Variants in CDH3 observed in about 807,000 individuals in gnomAD.
CDH3 encodes cadherin 3, also known as cadherin-3.
CDH3 carries 54 observed loss-of-function variants against 82.0 expected under a neutral mutation model. The ratio of observed to expected loss-of-function variants is 0.66; its 90% CI spans 0.53 to 0.83. The LOEUF (loss-of-function observed/expected upper bound fraction) is 0.83. Among genes scored for constraint, CDH3 ranks in the 40% least tolerant of loss-of-function variants. The pLI, the probability that CDH3 is intolerant of heterozygous loss-of-function variation, is 0.00. For synonymous variants in CDH3, 446 were observed against 437.9 expected (o/e 1.02, Z -0.23); for missense variants, 1,054 against 1,084.6 (o/e 0.97, Z 0.40).
intron 2 of CDH3, among the ~76,000 whole-genome samples, chr16:68,654,295 GT>G (rs1480061927): frequency 6.9e-6 from 1 of 145,742 alleles, no homozygotes; most frequent in Non-Finnish European, 1.5e-5. Context: ...TTCTGACCTT[GT>G]GATCTACCCG....
downstream of CDH3, among the ~76,000 whole-genome samples, chr16:68,730,997 A>G (rs1290074212): frequency 5.5e-4 from 62 of 112,932 alleles, no homozygotes; most frequent in Middle Eastern, 6.4e-3. Context: ...TCCAGCCTGG[A>G]CAACAAGAGG....
At chr16:68,697,782 TTAAAAC>T (rs1423145181) in intron 15 of CDH3, among the ~76,000 whole-genome samples, 1 of 152,148 alleles carries the variant, frequency 6.6e-6, no homozygotes, top group Non-Finnish European at 1.5e-5. Context: ...ATCTGTTCCT[TTAAAAC>T]TATACGGAGG....
At chr16:68,654,380 ATTTTTTTTTTTTTTTTTTTTT>A (rs1176713669) in intron 2 of CDH3, among the ~76,000 whole-genome samples, 7 of 48,494 alleles carry the variant, frequency 1.4e-4, no homozygotes, top group Non-Finnish European at 2.1e-4. Context: ...TTTTAAATTA[ATTTTTTTTTTTTTTTTTTTTT>A]TTTTTTTTTT....
chr16:68,658,086 G>A (rs1437504842), intron 2 of CDH3, among the ~76,000 whole-genome samples: 29 of 132,414 alleles, frequency 2.2e-4, no homozygotes, highest in Non-Finnish European at 3.8e-4. Context: ...TTTTTTTAGA[G>A]ACAGGGTCTC....
At chr16:68,723,576 G>T (rs1213804544) in intron 2 of CDH3, among the ~76,000 whole-genome samples, 1 of 152,110 alleles carries the variant, frequency 6.6e-6, no homozygotes, top group African/African-American at 2.4e-5. Context: ...AATAAATTTT[G>T]CTTCAAGTCA....
chr16:68,695,246 C>T lies in CDH3; in HGVS notation c.2003-9C>T. 1 of 1,614,122 alleles carries T rather than the reference C, an allele frequency of 6.2e-7. No homozygotes were observed. The highest frequency in any genetic ancestry group is 2.2e-5 in the East Asian group (1 of 44,878). On this transcript the variant is annotated splice_polypyrimidine_tract_variant and intron_variant, in intron 13 of 15. Coordinates refer to ENST00000264012, the MANE Select transcript of CDH3 (RefSeq NM_001793.6). ...CAGAGGGAGCACTCACACTCCCCAA[C>T]CCTTGCAGTCCTCCTGCTGGTGCTG...
intron 2 of CDH3, among the ~76,000 whole-genome samples, chr16:68,665,090 T>C (rs1189356820): frequency 1.3e-5 from 2 of 152,158 alleles, no homozygotes; most frequent in African/African-American, 4.8e-5. Flanking sequence ...CTGCCCCTGG[T>C]TTTTAATACT....
chr16:68,661,992 A>G (rs1037574556), intron 2 of CDH3, among the ~76,000 whole-genome samples: 2 of 152,326 alleles, frequency 1.3e-5, no homozygotes, highest in East Asian at 1.9e-4. Flanking sequence ...CGCCCAGCCA[A>G]TCACTACTAA....
At chr16:68,701,594 A>G (rs1338554404), downstream of CDH3, among the ~76,000 whole-genome samples, 1 of 148,896 alleles carries the variant, frequency 6.7e-6, no homozygotes, top group Non-Finnish European at 1.5e-5. Flanking sequence ...CCCCGGGGCT[A>G]GAGTGCAGTG....
At chr16:68,680,145 G>C (rs1961175963) in intron 7 of CDH3, among the ~76,000 whole-genome samples, 171 bp downstream of exon 7, 1 of 152,226 alleles carries the variant, frequency 6.6e-6, no homozygotes, top group East Asian at 1.9e-4. Context: ...CTGGTTCCTT[G>C]GGCCTGTGGC....
intron 10 of CDH3, 38 bp downstream of exon 10, chr16:68,684,862 G>T: frequency 6.2e-7 from 1 of 1,613,166 alleles, no homozygotes; most frequent in Non-Finnish European, 8.5e-7. Flanking sequence ...GCACGTACTG[G>T]TACAGTTGGT....
chr16:68,649,781 C>A (rs1361279000), intron 2 of CDH3, among the ~76,000 whole-genome samples: 4 of 152,142 alleles, frequency 2.6e-5, no homozygotes, highest in African/African-American at 9.7e-5. Flanking sequence ...CGGCTGTAAT[C>A]CCAGCACTTT....
At chr16:68,715,243 T>G (rs981501140) in intron 1 of CDH3, among the ~76,000 whole-genome samples, 5 of 151,200 alleles carry the variant, frequency 3.3e-5, no homozygotes, top group African/African-American at 1.2e-4. Context: ...CGTGCCAACA[T>G]AGCAAAACCC....
downstream of CDH3, among the ~76,000 whole-genome samples, chr16:68,701,303 C>G (rs1961889925): frequency 6.6e-6 from 1 of 152,032 alleles, no homozygotes; most frequent in African/African-American, 2.4e-5. Flanking sequence ...TTAAGTCACT[C>G]TCTCACTCTG....
At chr16:68,680,004 A>G in intron 7 of CDH3, 30 bp downstream of exon 7, 1 of 1,606,576 alleles carries the variant, frequency 6.2e-7, no homozygotes, top group African/African-American at 1.3e-5. Context: ...AGTACTGCCT[A>G]CCCAGACTTG....
rs1176713669 is a variant in CDH3 at position 68,654,380 on chromosome 16, A to ATTTTTTTT, written c.160+8661_160+8668dup. ...GGCCTTTTTCTTAATTTTTAAATTA[A>ATTTTTTTT]TTTTTTTTTTTTTTTTTTTTTTTTT... On this transcript the variant is annotated intron_variant, in intron 2 of 15. Coordinates refer to ENST00000264012, the MANE Select transcript of CDH3 (RefSeq NM_001793.6). Among the ~76,000 whole-genome samples, 40 of 48,528 alleles carry ATTTTTTTT rather than the reference A, an allele frequency of 8.2e-4. 4 individuals are homozygous for ATTTTTTTT. Among genetic ancestry groups the ATTTTTTTT allele is most frequent in the East Asian group, 2.5e-3 (4 of 1,580 alleles). The allele number at this position is 48,528 out of a possible 152,430, so 31.8% of individuals were successfully genotyped here.
downstream of CDH3, among the ~76,000 whole-genome samples, chr16:68,729,185 G>C (rs1314398258): frequency 2.6e-5 from 4 of 152,174 alleles, no homozygotes; most frequent in Non-Finnish European, 1.5e-5. Context: ...CTGGCCTGTA[G>C]TCCCAGCTAC....
intron 2 of CDH3, among the ~76,000 whole-genome samples, chr16:68,667,120 A>G (rs531116737): frequency 1.3e-5 from 2 of 152,160 alleles, no homozygotes; most frequent in South Asian, 4.1e-4. Context: ...TTTAATTTGT[A>G]TTTCTTAGTT....
intron 3 of CDH3, among the ~76,000 whole-genome samples, chr16:68,677,283 A>ATTT (rs1597805737): frequency 1.3e-5 from 2 of 152,262 alleles, no homozygotes; most frequent in East Asian, 3.9e-4. Flanking sequence ...CCCTGACTTC[A>ATTT]TCCATGTACA....
Sources: allele counts gnomAD v4.1 joint callset (sites outside exome capture counted in the v4.1 genomes callset), GRCh38; gene constraint gnomAD v4.1.1; transcripts MANE v1.5; gene names NCBI Gene and HGNC (gene_info 2026-07-23, HGNC 2026-07-21).